The following ATRNL1 variants were observed in gnomAD, a reference collection of about 807,000 sequenced individuals.
ATRNL1 encodes the protein attractin-like protein 1.
In ATRNL1, 95 loss-of-function variants were observed where a neutral mutation model predicts 182.7. The ratio of observed to expected loss-of-function variants is 0.52; its 90% CI spans 0.44 to 0.62. ATRNL1 has a LOEUF of 0.62. Ranked by LOEUF, ATRNL1 falls within the 20% of genes least tolerant of loss-of-function variation. The pLI is 0.00. For missense variants in ATRNL1, 1,471 were observed against 1,679.5 expected, an observed-to-expected ratio of 0.88 and a Z score of 2.17; for synonymous variants, 576 against 568.3, an observed-to-expected ratio of 1.01 and a Z score of -0.19.
At chr10:115,756,655 A>G (rs1948597891) in intron 27 of ATRNL1, among the ~76,000 whole-genome samples, 1 of 151,990 alleles carries the variant, frequency 6.6e-6, no homozygotes, top group African/African-American at 2.4e-5. Context: ...TGAGATGGAG[A>G]GTTCTGTAGA....
chr10:115,783,123 C>A (rs1363952753), intron 27 of ATRNL1, among the ~76,000 whole-genome samples: 1 of 152,040 alleles, frequency 6.6e-6, no homozygotes, highest in African/African-American at 2.4e-5. Context: ...CATCTAAAGT[C>A]TAATGGCACT....
chr10:115,561,950 G>A (rs1853780213), intron 26 of ATRNL1, among the ~76,000 whole-genome samples: 1 of 152,032 alleles, frequency 6.6e-6, no homozygotes, highest in African/African-American at 2.4e-5. Flanking sequence ...CTGACACTTT[G>A]TAGTGTAATA....
intron 28 of ATRNL1, among the ~76,000 whole-genome samples, chr10:115,906,396 A>G (rs1367607775): frequency 2.0e-5 from 3 of 152,118 alleles, no homozygotes; most frequent in Non-Finnish European, 4.4e-5. Flanking sequence ...ATGATTATAT[A>G]TACCTCAAAA....
chr10:115,638,166 A>T (rs782110996), intron 26 of ATRNL1, among the ~76,000 whole-genome samples: 1 of 152,022 alleles, frequency 6.6e-6, no homozygotes, highest in African/African-American at 2.4e-5. Flanking sequence ...TAAATCTTTT[A>T]TCCTGTATTT....
At chr10:115,828,555 T>G (rs1400370810) in intron 27 of ATRNL1, among the ~76,000 whole-genome samples, 1 of 152,228 alleles carries the variant, frequency 6.6e-6, no homozygotes, top group Non-Finnish European at 1.5e-5. Flanking sequence ...CTTCTCACTC[T>G]GGTACACAGC....
At chr10:115,699,044 T>A (rs1223623096) in intron 26 of ATRNL1, among the ~76,000 whole-genome samples, 4 of 152,116 alleles carry the variant, frequency 2.6e-5, no homozygotes, top group Non-Finnish European at 5.9e-5. Context: ...TAACAGATGC[T>A]CAAGATTGTT....
At chr10:115,638,732 A>C (rs1392291036) in intron 26 of ATRNL1, among the ~76,000 whole-genome samples, 1 of 152,238 alleles carries the variant, frequency 6.6e-6, no homozygotes, top group Non-Finnish European at 1.5e-5. Context: ...GAATCAAATG[A>C]AGATTATAAA....
At chr10:115,426,150 AT>A in intron 20 of ATRNL1, 99 bp from the exon 21 acceptor site, 1 of 828,634 alleles carries the variant, frequency 1.2e-6, no homozygotes, top group Non-Finnish European at 1.9e-6. Context: ...AGTTTTAAAT[AT>A]GTTTTGATGT....
chr10:115,780,681 G>A (rs1949243697), intron 27 of ATRNL1, among the ~76,000 whole-genome samples: 1 of 152,150 alleles, frequency 6.6e-6, no homozygotes, highest in Non-Finnish European at 1.5e-5. Context: ...CTAGCTCCTG[G>A]ATGACATTTC....
chr10:115,680,478 AGTAACTATAGG>A (rs1946011229), intron 26 of ATRNL1, among the ~76,000 whole-genome samples: 1 of 152,166 alleles, frequency 6.6e-6, no homozygotes, highest in Non-Finnish European at 1.5e-5. Flanking sequence ...CAAGATGCCT[AGTAACTATAGG>A]GGATCATATG....
At position 115,325,524 on chromosome 10, in the gene ATRNL1, A is replaced by AT. The variant is rs1854827318; in HGVS notation, c.3038-8752dup. On this transcript the variant is annotated intron_variant, in intron 18 of 28. Coordinates refer to ENST00000355044, the MANE Select transcript of ATRNL1 (RefSeq NM_207303.4). Reference sequence around the variant, plus strand: ...AATTACCAGACTTTTTTCAGCAGATATTTTTTCTGCAGGTAGGTCTAAAGT... The same window carrying AT: ...AATTACCAGACTTTTTTCAGCAGATATTTTTTTCTGCAGGTAGGTCTAAAGT... 2.0e-5 allele frequency among the ~76,000 whole-genome samples: 3 copies of AT among 152,032 alleles called. 1 individual carries two copies. The highest frequency in any genetic ancestry group is 4.1e-4 in the South Asian group (2 of 4,822).
At chr10:115,738,154 T>TTTTTTTTTTTTTTTTTTC (rs71010046) in intron 27 of ATRNL1, among the ~76,000 whole-genome samples, 988 of 63,872 alleles carry the variant, frequency 0.015, 256 homozygotes, top group East Asian at 0.03. Flanking sequence ...TTTTTTTTTT[T>TTTTTTTTTTTTTTTTTTC]TTGAGATGGA....
chr10:115,755,865 C>T (rs1948575450), intron 27 of ATRNL1, among the ~76,000 whole-genome samples: 1 of 151,960 alleles, frequency 6.6e-6, no homozygotes, highest in Non-Finnish European at 1.5e-5. Flanking sequence ...TTGGTCTATT[C>T]AGGGATTCGA....
chr10:115,735,551 C>T (rs926316482), intron 27 of ATRNL1, among the ~76,000 whole-genome samples: 3 of 151,886 alleles, frequency 2.0e-5, no homozygotes, highest in Non-Finnish European at 2.9e-5. Context: ...GATTAACAGC[C>T]GTAACTGATA....
intron 26 of ATRNL1, among the ~76,000 whole-genome samples, chr10:115,603,466 T>A (rs1197656674): frequency 3.9e-5 from 6 of 152,206 alleles, no homozygotes; most frequent in Non-Finnish European, 7.3e-5. Context: ...ATGCTCCTAG[T>A]ACCCATATCA....
At chr10:115,435,387 T>G (rs1393805193) in intron 21 of ATRNL1, among the ~76,000 whole-genome samples, 2 of 152,140 alleles carry the variant, frequency 1.3e-5, no homozygotes, top group African/African-American at 4.8e-5. Context: ...CTTCTTGTTC[T>G]CTCTTGCCCT....
At chr10:115,753,255 C>T (rs1948497403) in intron 27 of ATRNL1, among the ~76,000 whole-genome samples, 1 of 151,948 alleles carries the variant, frequency 6.6e-6, no homozygotes, top group Non-Finnish European at 1.5e-5. Flanking sequence ...ATACATGTGC[C>T]ATAGTGGTTT....
Position 115,306,861 on chromosome 10 carries a change from G to C in ATRNL1, c.2818+4818G>C, listed in dbSNP as rs78024328. ...ATTATACAGTGCAAATATAAAAATT[G>C]TTGTAACTGATTTTTTTTGAGAAGG... On this transcript the variant is annotated intron_variant, in intron 17 of 28. Coordinates refer to ENST00000355044, the MANE Select transcript of ATRNL1 (RefSeq NM_207303.4). 5.4e-3 allele frequency among the ~76,000 whole-genome samples: 822 copies of C among 152,150 alleles called. 26 individuals carry two copies. The East Asian group carries it at 0.098, about 18-fold the overall frequency.
At chr10:115,721,796 A>G (rs1302460406) in intron 26 of ATRNL1, among the ~76,000 whole-genome samples, 15 of 152,176 alleles carry the variant, frequency 9.9e-5, no homozygotes, top group Admixed American at 7.2e-4. Context: ...TGAAATCTAT[A>G]TTTTAATCAA....
Sources: allele counts gnomAD v4.1 joint callset (sites outside exome capture counted in the v4.1 genomes callset), GRCh38; gene constraint gnomAD v4.1.1; transcripts MANE v1.5; gene names NCBI Gene and HGNC (gene_info 2026-07-23, HGNC 2026-07-21).